HK2: variants seen among roughly 807,000 people sequenced by gnomAD.
The protein encoded by HK2 is hexokinase-2.
In HK2, 42 loss-of-function variants were observed where a neutral mutation model predicts 92.9. The ratio of observed to expected loss-of-function variants is 0.45; its 90% CI spans 0.35 to 0.58. HK2 has a LOEUF of 0.58. HK2 is among the 20% of genes least tolerant of loss of function. HK2 has a pLI of 0.00. For synonymous variants in HK2, 422 were observed against 468.0 expected (o/e 0.90, Z 1.27); for missense variants, 978 against 1,245.1 (o/e 0.79, Z 3.23).
At chr2:74,871,827 C>T (rs28363000) in intron 3 of HK2, among the ~76,000 whole-genome samples, 4 of 152,298 alleles carry the variant, frequency 2.6e-5, no homozygotes, top group South Asian at 2.1e-4. Context: ...AACCACCCCC[C>T]ACCCCATCAC....
At chr2:74,861,102 G>T (rs1688815094) in intron 2 of HK2, among the ~76,000 whole-genome samples, 2 of 152,174 alleles carry the variant, frequency 1.3e-5, no homozygotes. Flanking sequence ...ACACATAGGG[G>T]CCTGGCTTTC....
At chr2:74,847,080 G>A (rs926244033) in intron 1 of HK2, among the ~76,000 whole-genome samples, 1 of 152,152 alleles carries the variant, frequency 6.6e-6, no homozygotes, top group African/African-American at 2.4e-5. Flanking sequence ...TGGAGAGACG[G>A]TTCTAGATAA....
chr2:74,885,201 C>G (rs556708966), intron 12 of HK2, among the ~76,000 whole-genome samples: 1 of 152,304 alleles, frequency 6.6e-6, no homozygotes, highest in South Asian at 2.1e-4. Flanking sequence ...CACTCCAGAG[C>G]CTCAGTTTCT....
In HK2 at chr2:74,889,497, C is replaced by G. The variant is rs774666815; in HGVS notation, c.2609+19C>G. On this transcript the variant is annotated intron_variant, in intron 17 of 17. Coordinates refer to ENST00000290573, the MANE Select transcript of HK2 (RefSeq NM_000189.5). Reference sequence around the variant, plus strand: ...ATCCTCAGTGAGTGCCTGATCCCAGCCCCCCCTGCCTACCTTCTTTCTGTC... The same window carrying G: ...ATCCTCAGTGAGTGCCTGATCCCAGGCCCCCCTGCCTACCTTCTTTCTGTC... 1.4e-6 allele frequency: 2 copies of G among 1,471,688 alleles called. No homozygotes were observed. The highest frequency in any genetic ancestry group is 3.6e-5 in the Admixed American group (2 of 55,466). 91.2% of individuals were successfully genotyped at this position (1,471,688 alleles called of 1,614,324 possible).
rs116710361 is a variant in HK2 at position 74,843,115 on chromosome 2, C to T, written c.63+8472C>T. ...TGCCCTGTGCTGAAGAGTCACAGGA[C>T]CCGCCATGATAGGTTTGGCCCCACC... On this transcript the variant is annotated intron_variant, in intron 1 of 17. Coordinates refer to ENST00000290573, the MANE Select transcript of HK2 (RefSeq NM_000189.5). 9.5e-3 allele frequency among the ~76,000 whole-genome samples: 1,451 copies of T among 152,224 alleles called. 20 individuals carry two copies. Among genetic ancestry groups the T allele is most frequent in the African/African-American group, 0.033 (1,379 of 41,524 alleles).
intron 14 of HK2, 48 bp from the exon 15 acceptor site, chr2:74,886,442 G>T: frequency 6.2e-7 from 1 of 1,613,876 alleles, no homozygotes; most frequent in South Asian, 1.1e-5. Flanking sequence ...AGCCTTGGGT[G>T]TGGAGGGGTT....
At position 74,834,381 on chromosome 2, in the gene HK2, C is replaced by T; in HGVS notation, c.-200C>T. On this transcript the variant is annotated 5_prime_UTR_variant, in exon 1 of 18. Transcript: ENST00000290573. This position sits in a 1 kb window ranked among gnomAD's most constrained non-coding sequence, Gnocchi z 4.2. ...AGGCGCCTTCTAGCAGTTGTGACGC[C>T]AAAATCACGTCTCCGGAGACCCGCG... The T allele has an allele frequency of 4.7e-6, 3 of 637,480 alleles. No individual in the cohort carries two copies. The South Asian group carries it at 5.3e-5, about 11-fold the overall frequency. The allele number at this position is 637,480 out of a possible 1,614,324, so 39.5% of individuals were successfully genotyped here.
At chr2:74,881,565 T>G (rs1437702963) in intron 10 of HK2, 146 bp from the exon 11 acceptor site, 2 of 865,456 alleles carry the variant, frequency 2.3e-6, no homozygotes, top group Non-Finnish European at 3.8e-6. Flanking sequence ...GGAGCTGGAC[T>G]CTTCTGTTCC....
chr2:74,845,666 G>A (rs1688418156), intron 1 of HK2, among the ~76,000 whole-genome samples: 1 of 152,250 alleles, frequency 6.6e-6, no homozygotes, highest in African/African-American at 2.4e-5. Flanking sequence ...GTGTGTCAGA[G>A]CTGGCATTGG....
rs28362975 is a variant in HK2 at position 74,852,754 on chromosome 2, T to C, written c.64-1539T>C. Among the ~76,000 whole-genome samples, 159 of 151,588 alleles carry C rather than the reference T, an allele frequency of 1.0e-3. 1 individual carries two copies. The highest frequency in any genetic ancestry group is 3.7e-3 in the African/African-American group (152 of 41,294). On this transcript the variant is annotated intron_variant, in intron 1 of 17. Coordinates refer to ENST00000290573, the MANE Select transcript of HK2 (RefSeq NM_000189.5). ...TGCTTCTCATTCTCCTGGTATTAAA[T>C]CTGGGAAAAGTTCATGTGAATTTAT...
intron 1 of HK2, among the ~76,000 whole-genome samples, chr2:74,852,332 G>A (rs2103876922): frequency 6.6e-6 from 1 of 152,314 alleles, no homozygotes; most frequent in African/African-American, 2.4e-5. Flanking sequence ...CATTGGATCT[G>A]GAGTGGGAAG....
intron 1 of HK2, among the ~76,000 whole-genome samples, chr2:74,851,191 G>A (rs1168469723): frequency 2.6e-5 from 4 of 152,196 alleles, no homozygotes; most frequent in East Asian, 1.9e-4. Context: ...AGACCTCTGT[G>A]GAATCCCATC....
chr2:74,862,287 C>G (rs1401912101), intron 2 of HK2, among the ~76,000 whole-genome samples: 2 of 152,222 alleles, frequency 1.3e-5, no homozygotes, highest in Non-Finnish European at 2.9e-5. Flanking sequence ...GGCTTTTAAG[C>G]ACACCACCAG....
At chr2:74,879,338 A>G (rs1419974769) in intron 9 of HK2, among the ~76,000 whole-genome samples, 2 of 152,178 alleles carry the variant, frequency 1.3e-5, no homozygotes, top group Admixed American at 6.5e-5. Context: ...TGCCCTGTCC[A>G]CATTTTGATC....
intron 1 of HK2, chr2:74,835,215 G>T (rs1162736622): frequency 1.2e-5 from 2 of 171,516 alleles, no homozygotes; most frequent in African/African-American, 4.8e-5. Flanking sequence ...CGCCCGCCGC[G>T]CCCCCTCCCC....
At chr2:74,886,029 TAA>T (rs111714150) in intron 13 of HK2, among the ~76,000 whole-genome samples, 1 of 143,942 alleles carries the variant, frequency 6.9e-6, no homozygotes, top group Non-Finnish European at 1.5e-5. Context: ...ATATAGAGTT[TAA>T]AAAAAAAAAA....
intron 1 of HK2, among the ~76,000 whole-genome samples, chr2:74,843,315 G>A (rs1688360933): frequency 6.6e-6 from 1 of 152,030 alleles, no homozygotes; most frequent in Non-Finnish European, 1.5e-5. Flanking sequence ...GGTTCTTCAC[G>A]AAGCCCAGGG....
rs28362996 is a variant in HK2, at chr2:74,868,044, T to C, written c.375+260T>C. The C allele has an allele frequency of 7.9e-3, 3,605 of 458,560 alleles. 26 individuals carry two copies. Among genetic ancestry groups the C allele is most frequent in the Non-Finnish European group, 0.012 (2,892 of 244,922 alleles). The allele number at this position is 458,560 out of a possible 1,614,324, so 28.4% of individuals were successfully genotyped here. ...CCAAGTAAGACGCTGTTCAGTGTTGTCACATCTCGGGCCTCAGGGCTTGGA... is the reference window on the plus strand; with the variant it reads ...CCAAGTAAGACGCTGTTCAGTGTTGCCACATCTCGGGCCTCAGGGCTTGGA... On this transcript the variant is annotated intron_variant, in intron 3 of 17. Coordinates refer to ENST00000290573, the MANE Select transcript of HK2 (RefSeq NM_000189.5).
intron 1 of HK2, among the ~76,000 whole-genome samples, chr2:74,848,256 A>G (rs886878464): frequency 3.3e-5 from 5 of 152,206 alleles, no homozygotes; most frequent in Non-Finnish European, 5.9e-5. Flanking sequence ...CTCTCCACGC[A>G]TTCTAGAGAC....
Sources: gnomAD v4.1 joint callset for allele counts (sites outside exome capture counted in the v4.1 genomes callset) on GRCh38, gnomAD v4.1.1 for gene constraint, Gnocchi (gnomAD v3.1) non-coding constraint, MANE v1.5 for transcripts, NCBI Gene and HGNC (gene_info 2026-07-23, HGNC 2026-07-21) for gene names.